The following KCND2 variants were observed in gnomAD, a reference collection of about 807,000 sequenced individuals.
KCND2 encodes the protein A-type voltage-gated potassium channel KCND2.
KCND2 carries 16 observed loss-of-function variants against 54.4 expected under a neutral mutation model. The ratio of observed to expected loss-of-function variants is 0.29; its 90% confidence interval spans 0.20 to 0.45. The LOEUF (loss-of-function observed/expected upper bound fraction) is 0.45, where lower values mean the gene tolerates loss of function less well. KCND2 is among the 20% of genes least tolerant of loss of function. The pLI is 1.00. For missense variants in KCND2, 486 were observed against 824.2 expected, an observed-to-expected ratio of 0.59 and a Z score of 5.02; for synonymous variants, 317 against 310.7, an observed-to-expected ratio of 1.02 and a Z score of -0.21.
chr7:120,386,512 A>G (rs567707362), intron 1 of KCND2, among the ~76,000 whole-genome samples: 1 of 152,272 alleles, frequency 6.6e-6, no homozygotes, highest in African/African-American at 2.4e-5. Flanking sequence ...CAAAGAGTAA[A>G]TACAATTACA....
intron 5 of KCND2, chr7:120,746,686 T>TAAAAAAAA (rs1235098293): frequency 6.5e-6 from 1 of 152,720 alleles, no homozygotes; most frequent in Non-Finnish European, 1.5e-5. Context: ...CACAAATGTG[T>TAAAAAAAA]AAAAATAAAA....
intron 1 of KCND2, among the ~76,000 whole-genome samples, chr7:120,287,471 A>G (rs944990350): frequency 1.3e-5 from 2 of 152,110 alleles, no homozygotes; most frequent in African/African-American, 4.8e-5. Context: ...TTCTCACATC[A>G]AATATAAGAA....
At chr7:120,715,223 T>C (rs181113473) in intron 1 of KCND2, among the ~76,000 whole-genome samples, 14 of 152,120 alleles carry the variant, frequency 9.2e-5, no homozygotes, top group Non-Finnish European at 1.9e-4. Flanking sequence ...TCCCCAAGAT[T>C]TTTCTTTTTC....
At chr7:120,619,637 G>GA (rs1414771061) in intron 1 of KCND2, among the ~76,000 whole-genome samples, 3 of 152,112 alleles carry the variant, frequency 2.0e-5, no homozygotes, top group Non-Finnish European at 2.9e-5. Flanking sequence ...TAAGACACTA[G>GA]AAAATCAACC....
intron 1 of KCND2, among the ~76,000 whole-genome samples, chr7:120,377,812 AC>A (rs1457275226): frequency 6.6e-6 from 1 of 151,868 alleles, no homozygotes; most frequent in Non-Finnish European, 1.5e-5. Flanking sequence ...CAGTCTATCC[AC>A]CCAGAAAGCC....
At chr7:120,430,751 T>C (rs1801777450) in intron 1 of KCND2, among the ~76,000 whole-genome samples, 1 of 152,312 alleles carries the variant, frequency 6.6e-6, no homozygotes, top group South Asian at 2.1e-4. Context: ...CAGCATATCA[T>C]AGAAAAATTC....
intron 1 of KCND2, among the ~76,000 whole-genome samples, chr7:120,384,131 A>G (rs1800954206): frequency 6.6e-6 from 1 of 152,066 alleles, no homozygotes; most frequent in Non-Finnish European, 1.5e-5. Flanking sequence ...ATGCAAGGTA[A>G]ATACGATGTA....
chr7:120,686,869 T>TA (rs1792208497), intron 1 of KCND2, among the ~76,000 whole-genome samples: 1 of 152,150 alleles, frequency 6.6e-6, no homozygotes, highest in South Asian at 2.1e-4. Context: ...CCTGAGATCT[T>TA]ATCAGGAAAC....
intron 1 of KCND2, among the ~76,000 whole-genome samples, chr7:120,674,423 G>A (rs1206800711): frequency 2.0e-5 from 3 of 150,254 alleles, no homozygotes; most frequent in East Asian, 1.9e-4. Flanking sequence ...GAAAAACCGT[G>A]TCTTTGTATC....
intron 1 of KCND2, among the ~76,000 whole-genome samples, chr7:120,604,366 G>C (rs544064085): frequency 3.0e-4 from 44 of 149,050 alleles, no homozygotes; most frequent in Non-Finnish European, 5.0e-4. Context: ...AAAGGAAGTA[G>C]CTGGGCAAGT....
At chr7:120,515,020 C>G (rs1803175618) in intron 1 of KCND2, among the ~76,000 whole-genome samples, 1 of 149,878 alleles carries the variant, frequency 6.7e-6, no homozygotes, top group African/African-American at 2.4e-5. Context: ...ATTTTTTAAA[C>G]TTTTTCTTTC....
At chr7:120,486,689 C>T (rs977216684) in intron 1 of KCND2, among the ~76,000 whole-genome samples, 8 of 144,030 alleles carry the variant, frequency 5.6e-5, no homozygotes, top group African/African-American at 2.0e-4. Flanking sequence ...TGTTTATTGT[C>T]TTTTTTTTTT....
At chr7:120,437,081 C>G (rs17142741) in intron 1 of KCND2, among the ~76,000 whole-genome samples, 2 of 152,030 alleles carry the variant, frequency 1.3e-5, no homozygotes, top group Non-Finnish European at 2.9e-5. Context: ...GGAAAAACAA[C>G]TTCTTTACTA....
At chr7:120,426,748 A>G (rs1278486106) in intron 1 of KCND2, among the ~76,000 whole-genome samples, 1 of 151,686 alleles carries the variant, frequency 6.6e-6, no homozygotes, top group Non-Finnish European at 1.5e-5. Context: ...CAGCCTCCTG[A>G]GTAGCTGGGA....
Position 120,496,695 on chromosome 7 carries a change from A to G in KCND2, c.1115+220948A>G, listed in dbSNP as rs189652000. 5.0e-3 allele frequency among the ~76,000 whole-genome samples: 755 copies of G among 152,264 alleles called. 4 individuals are homozygous for G. The highest frequency in any genetic ancestry group is 0.017 in the African/African-American group (699 of 41,542). ...TGCCTCGGCCTCCCAAAGTGCTGGG[A>G]TTACAGGCGTGAGCCACCGTGCCCG... is the stretch of plus-strand genomic sequence containing the variant. On this transcript the variant is annotated intron_variant, in intron 1 of 5. Transcript: ENST00000331113.
intron 1 of KCND2, among the ~76,000 whole-genome samples, chr7:120,389,376 A>G (rs1801040060): frequency 6.6e-6 from 1 of 151,866 alleles, no homozygotes. Flanking sequence ...GTGTGTGGCA[A>G]AAGTCCCTAA....
At chr7:120,407,393 A>C (rs911166499) in intron 1 of KCND2, among the ~76,000 whole-genome samples, 1 of 152,018 alleles carries the variant, frequency 6.6e-6, no homozygotes, top group Non-Finnish European at 1.5e-5. Flanking sequence ...CAAACCCCCC[A>C]AAAGTGTGAC....
chr7:120,699,587 C>T (rs1411664444), intron 1 of KCND2, among the ~76,000 whole-genome samples: 1 of 151,944 alleles, frequency 6.6e-6, no homozygotes, highest in African/African-American at 2.4e-5. Context: ...AGAAAAATCC[C>T]CCAAGAAGGT....
intron 1 of KCND2, among the ~76,000 whole-genome samples, chr7:120,514,427 C>G (rs1310675042): frequency 2.0e-5 from 3 of 152,094 alleles, no homozygotes; most frequent in Non-Finnish European, 4.4e-5. Flanking sequence ...TACAAACACC[C>G]CACAAATACA....
Sources: gnomAD v4.1 joint callset for allele counts (sites outside exome capture counted in the v4.1 genomes callset) on GRCh38, gnomAD v4.1.1 for gene constraint, MANE v1.5 for transcripts, NCBI Gene and HGNC (gene_info 2026-07-23, HGNC 2026-07-21) for gene names.